BATF: variants seen among roughly 807,000 people sequenced by gnomAD.
BATF encodes the protein basic leucine zipper ATF-like transcription factor.
BATF carries 5 observed loss-of-function variants against 13.7 expected under a neutral mutation model. That is an observed-to-expected ratio of 0.36 (90% confidence interval 0.19 to 0.77). The LOEUF is 0.77. BATF is among the 30% of genes least tolerant of loss of function. BATF has a pLI of 0.51. For missense variants in BATF, 124 were observed against 163.0 expected (o/e 0.76, Z 1.30); for synonymous variants, 72 against 67.5 (o/e 1.07, Z -0.33).
intron 2 of BATF, among the ~76,000 whole-genome samples, chr14:75,531,933 G>A (rs1887740461): frequency 6.6e-6 from 1 of 152,080 alleles, no homozygotes; most frequent in African/African-American, 2.4e-5. Flanking sequence ...CCCTTAAAAA[G>A]TTCAATGTAG....
intron 2 of BATF, among the ~76,000 whole-genome samples, chr14:75,532,982 T>G (rs1887760517): frequency 6.6e-6 from 1 of 152,230 alleles, no homozygotes; most frequent in Admixed American, 6.5e-5. Context: ...TCTTTTTTAT[T>G]ATAATGAATG....
chr14:75,533,361 G>C (rs1217947077), intron 2 of BATF, among the ~76,000 whole-genome samples: 6 of 150,562 alleles, frequency 4.0e-5, no homozygotes, highest in African/African-American at 1.5e-4. Context: ...CTGGGAGGCG[G>C]AGCTTGCAGT....
rs1162218076 is a variant in BATF at position 75,539,424 on chromosome 14, A to ATTTTTTTTTT, written c.169-7020_169-7011dup. On this transcript the variant is annotated intron_variant, in intron 2 of 2. Coordinates refer to ENST00000286639, the MANE Select transcript of BATF (RefSeq NM_006399.5). Reference sequence around the variant, plus strand: ...TAGCTACAAGGTAAGGTAAGCTGGAATTTTTTTTTTTTTTTTTTTTTTTTT... The same window carrying ATTTTTTTTTT: ...TAGCTACAAGGTAAGGTAAGCTGGAATTTTTTTTTTTTTTTTTTTTTTTTTTTTTTTTTTT... 9.0e-3 allele frequency among the ~76,000 whole-genome samples: 525 copies of ATTTTTTTTTT among 58,536 alleles called. 101 individuals are homozygous for ATTTTTTTTTT. Among genetic ancestry groups the ATTTTTTTTTT allele is most frequent in the Middle Eastern group, 0.05 (2 of 40 alleles). 38.4% of individuals were successfully genotyped at this position (58,536 alleles called of 152,430 possible).
intron 2 of BATF, among the ~76,000 whole-genome samples, chr14:75,525,640 T>C (rs141840824): frequency 6.4e-5 from 8 of 124,446 alleles, no homozygotes; most frequent in East Asian, 4.6e-4. Context: ...ACCTGGGTGA[T>C]AGGAGTGAAA....
At chr14:75,531,234 T>C (rs1887726500) in intron 2 of BATF, among the ~76,000 whole-genome samples, 1 of 152,238 alleles carries the variant, frequency 6.6e-6, no homozygotes, top group Non-Finnish European at 1.5e-5. Context: ...CACAGTACTA[T>C]ATGATAAAAG....
chr14:75,530,775 A>G (rs1280002574), intron 2 of BATF, among the ~76,000 whole-genome samples: 1 of 152,108 alleles, frequency 6.6e-6, no homozygotes, highest in Non-Finnish European at 1.5e-5. Flanking sequence ...TGGCCTCCCA[A>G]AGTGCTGGGA....
rs986160219 is a variant in BATF at position 75,535,579 on chromosome 14, T to C, written c.168+10391T>C. On this transcript the variant is annotated intron_variant, in intron 2 of 2. Transcript: ENST00000286639. The stretch of plus-strand genomic sequence containing the variant: ...GCCAAATAGAGAGCTGAAGGAACTC[T>C]GGAGGACATCAAGTACAAAGAGACA... Among the ~76,000 whole-genome samples, 3 of 152,162 alleles carry C rather than the reference T, an allele frequency of 2.0e-5. No individual in the cohort carries two copies. The South Asian group carries it at 6.2e-4, about 32-fold the overall frequency.
At chr14:75,525,282 G>A (rs1034828225) in intron 2 of BATF, 94 bp downstream of exon 2, 69 of 1,319,328 alleles carry the variant, frequency 5.2e-5, no homozygotes, top group Middle Eastern at 2.2e-4. Flanking sequence ...TTCTGCTTGT[G>A]TGGGGATGTG....
intron 2 of BATF, among the ~76,000 whole-genome samples, chr14:75,539,671 G>A (rs1021653405): frequency 7.2e-5 from 11 of 152,038 alleles, no homozygotes; most frequent in African/African-American, 2.2e-4. Flanking sequence ...AGGTGCTTAT[G>A]GCCCTAGAGC....
At chr14:75,530,394 A>G (rs1326176374) in intron 2 of BATF, among the ~76,000 whole-genome samples, 2 of 152,230 alleles carry the variant, frequency 1.3e-5, no homozygotes, top group Admixed American at 1.3e-4. Flanking sequence ...GTGTGTTCAC[A>G]AACAAATCCA....
intron 2 of BATF, among the ~76,000 whole-genome samples, chr14:75,530,817 T>C (rs1189058050): frequency 6.6e-6 from 1 of 152,152 alleles, no homozygotes; most frequent in East Asian, 1.9e-4. Context: ...CCCAGCCCCT[T>C]CTGTGTTTTT....
At chr14:75,523,197 T>G (rs1409613830) in intron 1 of BATF, among the ~76,000 whole-genome samples, 3 of 106,754 alleles carry the variant, frequency 2.8e-5, no homozygotes, top group Non-Finnish European at 3.8e-5. Context: ...GAAAAGGGGT[T>G]AGGGAAAAGT....
intron 2 of BATF, among the ~76,000 whole-genome samples, chr14:75,534,701 A>G (rs541914277): frequency 6.6e-5 from 10 of 152,228 alleles, no homozygotes; most frequent in Non-Finnish European, 1.2e-4. Context: ...TAAAATTATA[A>G]CACCTAAATG....
At chr14:75,530,061 C>CAAA (rs56386431) in intron 2 of BATF, among the ~76,000 whole-genome samples, 47 of 109,888 alleles carry the variant, frequency 4.3e-4, no homozygotes, top group Non-Finnish European at 3.3e-4. Flanking sequence ...GAGACTCCGT[C>CAAA]AAAAAAAAAA....
rs1470603287 is a variant in BATF, at chr14:75,546,566, C to T, written c.273C>T (p.Pro91=). ...YFTSVLNSHE[P]LCSVLAASTP... ...CGTCGGTGCTGAACAGCCACGAGCC[C>T]CTGTGCTCGGTGCTGGCCGCCAGCA... Residue 91 remains proline (P), a synonymous_variant, in exon 3 of 3, where the codon CCC becomes CCT. Coordinates refer to ENST00000286639, the MANE Select transcript of BATF (RefSeq NM_006399.5). 1 of 1,614,144 alleles carries T rather than the reference C, an allele frequency of 6.2e-7. No homozygotes were observed. The highest frequency in any genetic ancestry group is 1.7e-5 in the Admixed American group (1 of 60,034).
chr14:75,536,697 T>C (rs1595006560), intron 2 of BATF, among the ~76,000 whole-genome samples: 1 of 140,220 alleles, frequency 7.1e-6, no homozygotes, highest in East Asian at 2.1e-4. Flanking sequence ...CACTCCAGCC[T>C]GGGCAACAGG....
At chr14:75,539,696 A>G (rs570243383) in intron 2 of BATF, among the ~76,000 whole-genome samples, 2 of 152,280 alleles carry the variant, frequency 1.3e-5, no homozygotes, top group East Asian at 3.9e-4. Flanking sequence ...GCTCTAAGAC[A>G]TGAAAGTGAA....
In BATF at chr14:75,522,499, G is replaced by A; in HGVS notation, c.-184G>A. On this transcript the variant is annotated 5_prime_UTR_variant, in exon 1 of 3. Transcript: ENST00000286639. Reference sequence around the variant, plus strand: ...GAGCGACATGTCCCTTTGGGGAGCAGTCCCTCTGCACCCCAGAGTGAGGAG... The same window carrying A: ...GAGCGACATGTCCCTTTGGGGAGCAATCCCTCTGCACCCCAGAGTGAGGAG... The A allele has an allele frequency of 1.7e-6, 1 of 605,126 alleles. No homozygotes were observed. The highest frequency in any genetic ancestry group is 2.9e-6 in the Non-Finnish European group (1 of 340,868). The allele number at this position is 605,126 out of a possible 1,614,324, so 37.5% of individuals were successfully genotyped here.
At position 75,525,659 on chromosome 14, in the gene BATF, C is replaced by CAA. The variant is rs35718974; in HGVS notation, c.168+489_168+490dup. On this transcript the variant is annotated intron_variant, in intron 2 of 2. Transcript: ENST00000286639. ...GGGTGATAGGAGTGAAACTTCATCT[C>CAA]AAAAAAAAAAAAAAAAAAATAGAAG... Among the ~76,000 whole-genome samples the CAA allele has an allele frequency of 2.8e-3, 296 of 105,464 alleles. 1 individual carries two copies. In the South Asian group the frequency reaches 0.031, roughly 11 times the overall value. 69.2% of individuals were successfully genotyped at this position (105,464 alleles called of 152,430 possible).
Sources: allele counts gnomAD v4.1 joint callset (sites outside exome capture counted in the v4.1 genomes callset), GRCh38; gene constraint gnomAD v4.1.1; transcripts MANE v1.5; gene names NCBI Gene and HGNC (gene_info 2026-07-23, HGNC 2026-07-21).